Variants in ZPBP observed in about 807,000 individuals in gnomAD.
ZPBP encodes zona pellucida-binding protein 1.
ZPBP carries 26 observed loss-of-function variants against 44.8 expected under a neutral mutation model. The observed-to-expected ratio is 0.58, with a 90% confidence interval of 0.43 to 0.81. ZPBP has a LOEUF of 0.81. Among genes scored for constraint, ZPBP ranks in the 30% least tolerant of loss-of-function variants. The pLI, the probability that ZPBP is intolerant of heterozygous loss-of-function variation, is 0.00. For synonymous variants in ZPBP, 174 were observed against 153.2 expected, an observed-to-expected ratio of 1.14 and a Z score of -1.00; for missense variants, 409 against 434.0, an observed-to-expected ratio of 0.94 and a Z score of 0.51.
At chr7:49,880,969 A>G (rs1791636880) in intron 2 of ZPBP, among the ~76,000 whole-genome samples, 1 of 152,140 alleles carries the variant, frequency 6.6e-6, no homozygotes, top group Non-Finnish European at 1.5e-5. Flanking sequence ...TGCTTTTTTA[A>G]AGAGTAAGCT....
chr7:50,009,419 T>C (rs1798471217), intron 6 of ZPBP, among the ~76,000 whole-genome samples: 1 of 151,128 alleles, frequency 6.6e-6, no homozygotes, highest in African/African-American at 2.5e-5. Flanking sequence ...ATTTGCCCAA[T>C]GGTTCTCTAT....
At chr7:49,876,324 G>T (rs532686257) in intron 2 of ZPBP, among the ~76,000 whole-genome samples, 1 of 152,098 alleles carries the variant, frequency 6.6e-6, no homozygotes, top group Non-Finnish European at 1.5e-5. Context: ...TCATTTAAAA[G>T]ACCCAATTTT....
intron 6 of ZPBP, among the ~76,000 whole-genome samples, chr7:49,998,299 T>A (rs999428738): frequency 1.3e-5 from 2 of 152,150 alleles, no homozygotes; most frequent in Admixed American, 1.3e-4. Flanking sequence ...CAGGATGGGA[T>A]CCTGCAATTG....
chr7:49,988,993 A>G (rs1470665348), intron 6 of ZPBP, among the ~76,000 whole-genome samples: 2 of 152,128 alleles, frequency 1.3e-5, no homozygotes, highest in East Asian at 3.9e-4. Flanking sequence ...CAAAATTTGG[A>G]GCATATTTGT....
rs139455378 is a variant in ZPBP, at chr7:50,021,138, T to C, written c.707-2822A>G. On this transcript the variant is annotated intron_variant, in intron 5 of 7. Transcript: ENST00000046087. ...GTAGTTATATAAAGAAACAAGAATG[T>C]ATGGCCCATTCACAGAGAACAAAAT... 5.3e-5 allele frequency among the ~76,000 whole-genome samples: 8 copies of C among 152,178 alleles called. No homozygotes were observed. The East Asian group carries it at 7.7e-4, about 15-fold the overall frequency.
At chr7:50,047,059 A>G (rs1800407319) in intron 4 of ZPBP, among the ~76,000 whole-genome samples, 4 of 152,078 alleles carry the variant, frequency 2.6e-5, no homozygotes, top group Admixed American at 2.6e-4. Context: ...AAAACCAAAC[A>G]CTGCATGTTC....
downstream of ZPBP, among the ~76,000 whole-genome samples, chr7:49,849,150 C>T (rs532057636): frequency 6.6e-6 from 1 of 152,210 alleles, no homozygotes; most frequent in African/African-American, 2.4e-5. Context: ...AGTTCATACC[C>T]TACAGTCCCA....
chr7:49,999,283 C>CTA (rs573659372), intron 6 of ZPBP, among the ~76,000 whole-genome samples: 212 of 137,592 alleles, frequency 1.5e-3, no homozygotes, highest in Non-Finnish European at 2.8e-3. Context: ...TATATATATA[C>CTA]TATATATATC....
chr7:49,857,714 G>A (rs1448055128), intron 2 of ZPBP, among the ~76,000 whole-genome samples: 1 of 152,146 alleles, frequency 6.6e-6, no homozygotes, highest in Admixed American at 6.5e-5. Context: ...GCAAAATGGT[G>A]TAGTCCTTGT....
At chr7:50,000,985 G>A (rs1406820310) in intron 6 of ZPBP, among the ~76,000 whole-genome samples, 1 of 152,104 alleles carries the variant, frequency 6.6e-6, no homozygotes, top group East Asian at 1.9e-4. Flanking sequence ...GAAGAGTTAA[G>A]GACACAGACA....
intron 4 of ZPBP, among the ~76,000 whole-genome samples, chr7:50,051,382 T>C (rs1378374702): frequency 1.3e-5 from 2 of 152,084 alleles, no homozygotes; most frequent in Non-Finnish European, 2.9e-5. Context: ...TGGCAATTCC[T>C]CAAAGATCTA....
chr7:49,926,981 A>G, intron 1 of ZPBP, among the ~76,000 whole-genome samples: 1 of 152,176 alleles, frequency 6.6e-6, no homozygotes, highest in East Asian at 1.9e-4. Flanking sequence ...GTGCAAACAC[A>G]GTGGAATCAG....
At chr7:49,988,004 T>C (rs1222949767) in intron 6 of ZPBP, among the ~76,000 whole-genome samples, 2 of 152,160 alleles carry the variant, frequency 1.3e-5, no homozygotes, top group African/African-American at 4.8e-5. Flanking sequence ...AAGCTAAAAG[T>C]TCAAACAAGT....
intron 7 of ZPBP, among the ~76,000 whole-genome samples, chr7:49,981,210 G>T (rs1796854634): frequency 8.8e-6 from 1 of 113,920 alleles, no homozygotes; most frequent in Non-Finnish European, 1.8e-5. Context: ...TATATATAAT[G>T]TAATATATAT....
At chr7:49,987,772 G>C (rs1353814713) in intron 6 of ZPBP, among the ~76,000 whole-genome samples, 1 of 129,520 alleles carries the variant, frequency 7.7e-6, no homozygotes, top group Non-Finnish European at 1.7e-5. Flanking sequence ...GTGTGTGTGT[G>C]CAATGTCTAT....
intron 7 of ZPBP, chr7:49,942,581 T>A (rs1434894867): frequency 6.6e-6 from 1 of 152,518 alleles, no homozygotes; most frequent in Non-Finnish European, 1.5e-5. Context: ...TCCTGAAAAC[T>A]TTTTAGCTTT....
chr7:50,088,993 GCA>G (rs1404536112), intron 2 of ZPBP, among the ~76,000 whole-genome samples: 1 of 151,958 alleles, frequency 6.6e-6, no homozygotes, highest in Non-Finnish European at 1.5e-5. Flanking sequence ...ACACAAAAGG[GCA>G]CATAGTGTAT....
At chr7:50,013,104 AAAG>A (rs1219460995) in intron 6 of ZPBP, among the ~76,000 whole-genome samples, 1 of 152,050 alleles carries the variant, frequency 6.6e-6, no homozygotes, top group Non-Finnish European at 1.5e-5. Flanking sequence ...AAAAATGCAA[AAAG>A]AAGATAATTT....
chr7:49,980,221 TTATATAATATAAA>T (rs1005293144), intron 7 of ZPBP, among the ~76,000 whole-genome samples: 18 of 124,496 alleles, frequency 1.4e-4, no homozygotes, highest in South Asian at 6.8e-4. Flanking sequence ...TAATATAAAA[TTATATAATATAAA>T]TATATAATAT....
Sources: gnomAD v4.1 joint callset for allele counts (sites outside exome capture counted in the v4.1 genomes callset) on GRCh38, gnomAD v4.1.1 for gene constraint, MANE v1.5 for transcripts, NCBI Gene and HGNC (gene_info 2026-07-23, HGNC 2026-07-21) for gene names.